Variants in RBMS3 observed in about 807,000 individuals in gnomAD.
RBMS3 encodes the protein RNA-binding motif, single-stranded-interacting protein 3.
RBMS3 carries 27 observed loss-of-function variants against 66.8 expected under a neutral mutation model. That is an observed-to-expected ratio of 0.40 (90% CI 0.30 to 0.56). The LOEUF (loss-of-function observed/expected upper bound fraction) is 0.56, where lower values mean the gene tolerates loss of function less well. Ranked by LOEUF, RBMS3 falls within the 20% of genes least tolerant of loss-of-function variation. The pLI is 0.40. For synonymous variants in RBMS3, 188 were observed against 183.0 expected (o/e 1.03, Z -0.22); for missense variants, 513 against 549.5 (o/e 0.93, Z 0.66).
At chr3:29,551,880 A>C (rs7653293) in intron 3 of RBMS3, among the ~76,000 whole-genome samples, 10,672 of 152,200 alleles carry the variant, frequency 0.07, 706 homozygotes, top group African/African-American at 0.18. Flanking sequence ...CTGGAAAAGA[A>C]AGATAGAAAG....
chr3:29,988,789 G>GA (rs910652786), intron 13 of RBMS3, among the ~76,000 whole-genome samples: 50 of 149,918 alleles, frequency 3.3e-4, no homozygotes, highest in East Asian at 7.8e-4. Flanking sequence ...GGAAGAAAAG[G>GA]AAAAAAAAAG....
chr3:29,342,214 G>A (rs1302602279), intron 1 of RBMS3, among the ~76,000 whole-genome samples: 1 of 152,048 alleles, frequency 6.6e-6, no homozygotes, highest in African/African-American at 2.4e-5. Context: ...TGGAAACCTG[G>A]TTTTCTTACC....
At chr3:29,905,690 C>T (rs2060359528) in intron 10 of RBMS3, among the ~76,000 whole-genome samples, 1 of 152,052 alleles carries the variant, frequency 6.6e-6, no homozygotes, top group Non-Finnish European at 1.5e-5. Flanking sequence ...CCCTGGGCCA[C>T]ATTGGAAGAA....
At chr3:29,307,026 A>G (rs936021949) in intron 1 of RBMS3, among the ~76,000 whole-genome samples, 1 of 151,960 alleles carries the variant, frequency 6.6e-6, no homozygotes, top group South Asian at 2.1e-4. Context: ...CACACAATTA[A>G]AAGAAAACGC....
intron 3 of RBMS3, among the ~76,000 whole-genome samples, chr3:29,518,945 G>A (rs150560933): frequency 6.6e-6 from 1 of 152,310 alleles, no homozygotes; most frequent in East Asian, 1.9e-4. Context: ...GTGATTGAAA[G>A]TGGACATTTT....
chr3:29,324,110 A>G (rs1489754402), intron 1 of RBMS3, among the ~76,000 whole-genome samples: 1 of 152,124 alleles, frequency 6.6e-6, no homozygotes, highest in African/African-American at 2.4e-5. Flanking sequence ...AAAGGAATTC[A>G]CTGGAGTGGG....
intron 12 of RBMS3, among the ~76,000 whole-genome samples, chr3:29,965,614 G>C (rs1816996): frequency 0.047 from 7,183 of 152,168 alleles, 254 homozygotes; most frequent in East Asian, 0.17. Context: ...GTTAACTGTA[G>C]ATTCTGGATA....
intron 4 of RBMS3, among the ~76,000 whole-genome samples, chr3:29,603,889 C>T (rs1490420200): frequency 6.6e-6 from 1 of 151,918 alleles, no homozygotes; most frequent in Non-Finnish European, 1.5e-5. Context: ...TATCTATAAA[C>T]ATTTGTAGTG....
chr3:29,482,701 C>CTTTTTTTTTTTTT (rs755520785), intron 2 of RBMS3, among the ~76,000 whole-genome samples: 33 of 77,516 alleles, frequency 4.3e-4, no homozygotes, highest in South Asian at 1.8e-3. Flanking sequence ...TTCTTTCTTT[C>CTTTTTTTTTTTTT]TTTTTTTTTT....
At chr3:29,885,236 G>C (rs1559768140) in intron 8 of RBMS3, among the ~76,000 whole-genome samples, 1 of 151,828 alleles carries the variant, frequency 6.6e-6, no homozygotes, top group Non-Finnish European at 1.5e-5. Flanking sequence ...CCATGAAAAA[G>C]TAAACATTAA....
rs1191332613 is a variant in RBMS3, at chr3:29,578,818, G to A, written c.308-8296G>A. Among the ~76,000 whole-genome samples the A allele has an allele frequency of 4.4e-4, 34 of 76,872 alleles. 1 individual carries two copies. The highest frequency in any genetic ancestry group is 2.3e-3 in the African/African-American group (29 of 12,656). The allele number at this position is 76,872 out of a possible 152,430, so 50.4% of individuals were successfully genotyped here. On this transcript the variant is annotated intron_variant, in intron 3 of 14. Transcript: ENST00000383767. ...TTTTTTTTTTTTTTTTTTTTGAGACGGAGTCTCGCTCTGTCGCCCAGGTCG... is the reference window on the plus strand; with the variant it reads ...TTTTTTTTTTTTTTTTTTTTGAGACAGAGTCTCGCTCTGTCGCCCAGGTCG...
At chr3:29,554,128 T>G (rs1288939745) in intron 3 of RBMS3, among the ~76,000 whole-genome samples, 1 of 152,228 alleles carries the variant, frequency 6.6e-6, no homozygotes, top group Non-Finnish European at 1.5e-5. Context: ...CTTCCTAGTA[T>G]GCTAATGTAC....
At chr3:29,329,957 A>T (rs1370609629) in intron 1 of RBMS3, among the ~76,000 whole-genome samples, 1 of 149,906 alleles carries the variant, frequency 6.7e-6, no homozygotes, top group Non-Finnish European at 1.5e-5. Flanking sequence ...TGTTATATTC[A>T]CAAGATACTT....
chr3:29,830,450 G>A (rs1028933674), intron 6 of RBMS3, among the ~76,000 whole-genome samples: 4 of 152,052 alleles, frequency 2.6e-5, no homozygotes, highest in African/African-American at 9.7e-5. Context: ...AAGTTGCAGG[G>A]CAGGCTGTTA....
At chr3:29,883,601 C>T (rs992663414) in intron 7 of RBMS3, among the ~76,000 whole-genome samples, 5 of 151,974 alleles carry the variant, frequency 3.3e-5, no homozygotes, top group Admixed American at 2.6e-4. Flanking sequence ...CTAGAATTTT[C>T]TTCATATGTA....
At chr3:29,375,913 G>A (rs574103529) in intron 1 of RBMS3, among the ~76,000 whole-genome samples, 1 of 152,182 alleles carries the variant, frequency 6.6e-6, no homozygotes, top group Admixed American at 6.5e-5. Flanking sequence ...GCTCATTGTA[G>A]CACTACTCAC....
chr3:29,471,927 A>G (rs2042742592), intron 2 of RBMS3, among the ~76,000 whole-genome samples: 1 of 152,064 alleles, frequency 6.6e-6, no homozygotes, highest in Non-Finnish European at 1.5e-5. Context: ...TAACAGTTAA[A>G]TTTCCTGGGA....
chr3:29,400,076 T>C (rs1276946091), intron 1 of RBMS3, among the ~76,000 whole-genome samples: 13 of 152,080 alleles, frequency 8.5e-5, no homozygotes, highest in Admixed American at 5.9e-4. Flanking sequence ...AATATTTGGC[T>C]AGAGCAGTAA....
intron 3 of RBMS3, among the ~76,000 whole-genome samples, chr3:29,569,916 A>G (rs1225961561): frequency 6.6e-6 from 1 of 152,170 alleles, no homozygotes; most frequent in Admixed American, 6.6e-5. Context: ...GGCAATTGGA[A>G]TGCTGAAAAT....
Sources: allele counts gnomAD v4.1 joint callset (sites outside exome capture counted in the v4.1 genomes callset), GRCh38; gene constraint gnomAD v4.1.1; transcripts MANE v1.5; gene names NCBI Gene and HGNC (gene_info 2026-07-23, HGNC 2026-07-21).